Variants in MGAT4C observed in about 807,000 individuals in gnomAD.
MGAT4C encodes alpha-1,3-mannosyl-glycoprotein 4-beta-N-acetylglucosaminyltransferase C.
In MGAT4C, 19 loss-of-function variants were observed where a neutral mutation model predicts 40.1. The observed-to-expected ratio is 0.47, with a 90% CI of 0.33 to 0.70. The LOEUF is 0.70. MGAT4C is among the 30% of genes least tolerant of loss of function. MGAT4C has a pLI of 0.02. For synonymous variants in MGAT4C, 181 were observed against 187.1 expected, an observed-to-expected ratio of 0.97 and a Z score of 0.27; for missense variants, 491 against 563.2, an observed-to-expected ratio of 0.87 and a Z score of 1.30.
intron 3 of MGAT4C, among the ~76,000 whole-genome samples, chr12:86,381,744 C>G (rs1310791651): frequency 6.6e-5 from 10 of 152,240 alleles, no homozygotes; most frequent in Admixed American, 5.2e-4. Flanking sequence ...GTGTCCCCAC[C>G]CAAATCTCAT....
At chr12:86,017,063 T>G (rs1225763335) in intron 2 of MGAT4C, among the ~76,000 whole-genome samples, 1 of 152,194 alleles carries the variant, frequency 6.6e-6, no homozygotes, top group Non-Finnish European at 1.5e-5. Context: ...ACTTTCTACT[T>G]CTTAGAATTG....
chr12:86,298,120 C>T (rs1232336437), intron 4 of MGAT4C, among the ~76,000 whole-genome samples: 1 of 151,270 alleles, frequency 6.6e-6, no homozygotes, highest in East Asian at 1.9e-4. Context: ...AATAAAAGCC[C>T]TAAAGGGTAA....
At chr12:86,809,705 G>C (rs1417554809) in intron 1 of MGAT4C, among the ~76,000 whole-genome samples, 3 of 151,816 alleles carry the variant, frequency 2.0e-5, no homozygotes, top group Non-Finnish European at 2.9e-5. Flanking sequence ...TTTATAATTA[G>C]ATTTTTTGGC....
At chr12:86,613,051 AT>A (rs1319390649) in intron 2 of MGAT4C, among the ~76,000 whole-genome samples, 1 of 152,156 alleles carries the variant, frequency 6.6e-6, no homozygotes, top group East Asian at 1.9e-4. Context: ...AAAAGGATTA[AT>A]TACATAATCT....
chr12:86,636,663 C>G (rs1480509734), intron 2 of MGAT4C, among the ~76,000 whole-genome samples: 1 of 151,890 alleles, frequency 6.6e-6, no homozygotes, highest in Non-Finnish European at 1.5e-5. Flanking sequence ...GACACTTTTT[C>G]ACAGAGAGAA....
At chr12:86,141,122 C>T (rs1882779951) in intron 1 of MGAT4C, among the ~76,000 whole-genome samples, 1 of 152,118 alleles carries the variant, frequency 6.6e-6, no homozygotes, top group Non-Finnish European at 1.5e-5. Context: ...ATAAGTGTCA[C>T]ATAGACAAGT....
At chr12:86,698,835 C>G (rs1950305473) in intron 2 of MGAT4C, among the ~76,000 whole-genome samples, 1 of 151,944 alleles carries the variant, frequency 6.6e-6, no homozygotes, top group African/African-American at 2.4e-5. Flanking sequence ...GATTGCAGTC[C>G]CAGAAGAAAT....
At chr12:86,377,893 C>T (rs553276484) in intron 3 of MGAT4C, among the ~76,000 whole-genome samples, 2 of 152,260 alleles carry the variant, frequency 1.3e-5, no homozygotes, top group South Asian at 2.1e-4. Flanking sequence ...CTGGCAACCA[C>T]CATTCTACTT....
intron 2 of MGAT4C, among the ~76,000 whole-genome samples, chr12:86,634,356 G>T (rs1358355547): frequency 6.6e-6 from 1 of 152,088 alleles, no homozygotes; most frequent in African/African-American, 2.4e-5. Context: ...TAGAATAACA[G>T]GACTGAATTT....
intron 1 of MGAT4C, among the ~76,000 whole-genome samples, chr12:86,817,975 A>T (rs1360981149): frequency 6.6e-6 from 1 of 151,402 alleles, no homozygotes; most frequent in Non-Finnish European, 1.5e-5. Flanking sequence ...ACAATACATA[A>T]ATATAACTTA....
At chr12:86,032,049 G>C (rs1890801508) in intron 2 of MGAT4C, among the ~76,000 whole-genome samples, 1 of 151,874 alleles carries the variant, frequency 6.6e-6, no homozygotes, top group Non-Finnish European at 1.5e-5. Flanking sequence ...AGTTCACTTA[G>C]GATAATGGCC....
chr12:86,603,937 C>G (rs1961946883), intron 2 of MGAT4C, among the ~76,000 whole-genome samples: 1 of 150,692 alleles, frequency 6.6e-6, no homozygotes, highest in South Asian at 2.1e-4. Flanking sequence ...CTTAATTAAC[C>G]TGATATAGTT....
chr12:86,565,610 G>A (rs1464264797), intron 2 of MGAT4C, among the ~76,000 whole-genome samples: 3 of 152,184 alleles, frequency 2.0e-5, no homozygotes, highest in Non-Finnish European at 4.4e-5. Flanking sequence ...ACCCAATGGC[G>A]TGGCTGGATG....
At chr12:86,011,849 G>A (rs1888491755) in intron 2 of MGAT4C, 1 of 985,104 alleles carries the variant, frequency 1.0e-6, no homozygotes, top group Admixed American at 6.2e-5. Context: ...TCTCAAATTT[G>A]CAACCAGGTG....
chr12:86,562,169 A>G (rs1959897008), intron 2 of MGAT4C, among the ~76,000 whole-genome samples: 1 of 152,176 alleles, frequency 6.6e-6, no homozygotes, highest in African/African-American at 2.4e-5. Context: ...TCAGCTTCAG[A>G]AGCACACTCT....
intron 3 of MGAT4C, among the ~76,000 whole-genome samples, chr12:86,420,504 T>C (rs917593319): frequency 1.3e-5 from 2 of 152,116 alleles, no homozygotes; most frequent in Non-Finnish European, 2.9e-5. Context: ...TACCATAAAA[T>C]AGGCTGGGCC....
intron 2 of MGAT4C, among the ~76,000 whole-genome samples, chr12:86,459,435 T>C (rs890606815): frequency 6.6e-6 from 1 of 151,848 alleles, no homozygotes; most frequent in Non-Finnish European, 1.5e-5. Flanking sequence ...AACCATGTTG[T>C]AAACTGCCTA....
intron 3 of MGAT4C, among the ~76,000 whole-genome samples, chr12:86,402,696 A>G (rs1160828068): frequency 6.6e-6 from 1 of 152,172 alleles, no homozygotes; most frequent in Non-Finnish European, 1.5e-5. Context: ...AACTTATCCT[A>G]GACTCTAACA....
chr12:86,462,682 G>A (rs562153720), intron 2 of MGAT4C, among the ~76,000 whole-genome samples: 2 of 152,236 alleles, frequency 1.3e-5, no homozygotes, highest in South Asian at 2.1e-4. Flanking sequence ...CTGAAGGCCC[G>A]AGAGGCCCTG....
Sources: allele counts gnomAD v4.1 joint callset (sites outside exome capture counted in the v4.1 genomes callset), GRCh38; gene constraint gnomAD v4.1.1; transcripts MANE v1.5; gene names NCBI Gene and HGNC (gene_info 2026-07-23, HGNC 2026-07-21).